Variants in HECW1 observed in about 807,000 individuals in gnomAD.
HECW1 encodes HECT, C2 and WW domain containing E3 ubiquitin protein ligase 1, also known as E3 ubiquitin-protein ligase HECW1.
Under a neutral mutation model 182.3 loss-of-function variants are expected in HECW1, and 61 were observed. The observed-to-expected ratio is 0.33, with a 90% CI of 0.27 to 0.41. The LOEUF (loss-of-function observed/expected upper bound fraction) is 0.41. Ranked by LOEUF, HECW1 falls within the 10% of genes least tolerant of loss-of-function variation. HECW1 has a pLI of 1.00. For missense variants in HECW1, 1,739 were observed against 2,108.9 expected (o/e 0.82, Z 3.44); for synonymous variants, 859 against 832.6 (o/e 1.03, Z -0.55).
intron 6 of HECW1, among the ~76,000 whole-genome samples, chr7:43,361,348 A>G (rs1439536394): frequency 1.3e-5 from 2 of 152,080 alleles, no homozygotes; most frequent in Non-Finnish European, 2.9e-5. Context: ...AAATATTTAT[A>G]TTTTCTTATG....
intron 20 of HECW1, 79 bp downstream of exon 20, chr7:43,500,861 C>A: frequency 2.5e-6 from 3 of 1,209,542 alleles, no homozygotes; most frequent in Non-Finnish European, 3.7e-6. Context: ...CTGAAAATGG[C>A]CTAGACTGAA....
In HECW1 at chr7:43,384,531, A is replaced by G. The variant is rs530145114; in HGVS notation, c.556-12283A>G. The stretch of plus-strand genomic sequence containing the variant: ...GAAAAAAGATGTTACATTAGCAAGA[A>G]AAAAATACGTCTTTGCCTAAAACTT... On this transcript the variant is annotated intron_variant, in intron 6 of 29. Coordinates refer to ENST00000395891, the MANE Select transcript of HECW1 (RefSeq NM_015052.5). Among the ~76,000 whole-genome samples the G allele has an allele frequency of 2.0e-5, 3 of 152,322 alleles. No individual in the cohort carries two copies. The South Asian group carries it at 6.2e-4, about 32-fold the overall frequency.
chr7:43,389,011 G>A (rs1191024503), intron 6 of HECW1, among the ~76,000 whole-genome samples: 1 of 152,198 alleles, frequency 6.6e-6, no homozygotes, highest in African/African-American at 2.4e-5. Flanking sequence ...TGCCAGTGAT[G>A]GGGATGCAAA....
intron 3 of HECW1, among the ~76,000 whole-genome samples, chr7:43,307,709 C>T (rs757434521): frequency 2.1e-4 from 32 of 151,780 alleles, no homozygotes; most frequent in Non-Finnish European, 3.7e-4. Flanking sequence ...TAGCCACAAA[C>T]GAATTGCATG....
chr7:43,479,759 A>C lies in HECW1; in HGVS notation c.3234+15A>C, dbSNP rs532165919. On this transcript the variant is annotated intron_variant, in intron 17 of 29. Transcript: ENST00000395891. ...GCGCTGGAGAGGTAACCCTCCCTAC[A>C]CCCCGCCCTACTGTTCACCGGTCAC... 18 of 1,612,686 alleles carry C rather than the reference A, an allele frequency of 1.1e-5. No homozygotes were observed. The highest frequency in any genetic ancestry group is 1.4e-5 in the Non-Finnish European group (17 of 1,179,434).
At chr7:43,270,844 T>G (rs1299438232) in intron 3 of HECW1, among the ~76,000 whole-genome samples, 5 of 152,116 alleles carry the variant, frequency 3.3e-5, no homozygotes, top group Non-Finnish European at 7.4e-5. Flanking sequence ...GATATCAAAT[T>G]GGAAAATATG....
rs756992017 is a variant in HECW1 at position 43,469,039 on chromosome 7, C to T, written c.3033C>T (p.Asn1011=). 6.2e-7 allele frequency: 1 copy of T among 1,614,210 alleles called. No homozygotes were observed. Among genetic ancestry groups the T allele is most frequent in the African/African-American group, 1.3e-5 (1 of 75,052 alleles). ...QHNRDLVNFI[N]MFADTRLELP... ...ACCGGGACTTGGTGAATTTCATCAA[C>T]ATGTTCGCAGACACTCGGCTGGAAC... The change falls in exon 16 of 30, where the codon AAC becomes AAT. Residue 1011 remains asparagine, a synonymous_variant. Transcript: ENST00000395891.
chr7:43,522,099 T>G (rs2080506701), intron 24 of HECW1, among the ~76,000 whole-genome samples: 1 of 152,204 alleles, frequency 6.6e-6, no homozygotes, highest in Non-Finnish European at 1.5e-5. Flanking sequence ...CACCTTGATC[T>G]TGGATTTCTC....
rs1218464218 is a variant in HECW1 at position 43,114,240 on chromosome 7, T to C, written c.-183T>C. The C allele has an allele frequency of 7.3e-7, 1 of 1,362,474 alleles. No homozygotes were observed. The highest frequency in any genetic ancestry group is 3.5e-5 in the East Asian group (1 of 28,758). The allele number at this position is 1,362,474 out of a possible 1,614,324, so 84.4% of individuals were successfully genotyped here. On this transcript the variant is annotated 5_prime_UTR_variant, in exon 2 of 30. Transcript: ENST00000395891. ...GAGGGAGGCATCTTCTCTCTTTTCC[T>C]GGGATTTAAACGCGATTTAGGAGGG...
chr7:43,265,359 G>C (rs1020165006), intron 3 of HECW1, among the ~76,000 whole-genome samples: 1 of 152,116 alleles, frequency 6.6e-6, no homozygotes, highest in African/African-American at 2.4e-5. Flanking sequence ...TAACCACAGC[G>C]GGCCAGGAAG....
chr7:43,310,442 A>C (rs1808358982), intron 3 of HECW1, among the ~76,000 whole-genome samples: 1 of 152,204 alleles, frequency 6.6e-6, no homozygotes, highest in Admixed American at 6.5e-5. Flanking sequence ...TAAGGTGATG[A>C]GATGCTTTTT....
intron 3 of HECW1, among the ~76,000 whole-genome samples, chr7:43,271,627 G>A (rs777879475): frequency 6.6e-6 from 1 of 152,022 alleles, no homozygotes; most frequent in Non-Finnish European, 1.5e-5. Context: ...AGATATCTAG[G>A]AATACATCTA....
intron 2 of HECW1, among the ~76,000 whole-genome samples, chr7:43,223,981 C>G (rs1797205769): frequency 6.6e-6 from 1 of 152,210 alleles, no homozygotes; most frequent in Non-Finnish European, 1.5e-5. Flanking sequence ...CCTCCCATCC[C>G]CTCTTCCCGC....
rs79714205 is a variant in HECW1 at position 43,504,160 on chromosome 7, G to A, written c.3631+2838G>A. ...CTCTCCTTCCCAAGCAGGTCCTTCC[G>A]TCCTCCTGGATGACTTCAACATCGA... On this transcript the variant is annotated intron_variant, in intron 21 of 29. Transcript: ENST00000395891. 6.6e-3 allele frequency among the ~76,000 whole-genome samples: 1,009 copies of A among 152,176 alleles called. 12 individuals are homozygous for A. The highest frequency in any genetic ancestry group is 0.034 in the Middle Eastern group (10 of 294).
At chr7:43,151,025 C>G (rs971904000) in intron 2 of HECW1, 6 of 154,942 alleles carry the variant, frequency 3.9e-5, no homozygotes, top group Non-Finnish European at 8.8e-5. Context: ...GCTTGCACAG[C>G]AAATACAAGA....
intron 2 of HECW1, among the ~76,000 whole-genome samples, chr7:43,142,012 C>T (rs548802062): frequency 3.0e-4 from 46 of 152,174 alleles, no homozygotes; most frequent in Non-Finnish European, 5.7e-4. Flanking sequence ...AACCTGCACA[C>T]GCTGTGCTTG....
intron 2 of HECW1, among the ~76,000 whole-genome samples, chr7:43,156,954 A>C (rs1042465116): frequency 2.6e-5 from 4 of 152,198 alleles, no homozygotes; most frequent in Admixed American, 1.3e-4. Flanking sequence ...GAGAAAAGAA[A>C]GTTTTATCAG....
intron 17 of HECW1, among the ~76,000 whole-genome samples, chr7:43,483,085 A>G (rs4433042): frequency 0.36 from 55,081 of 151,972 alleles, 11,097 homozygotes; most frequent in South Asian, 0.56. Context: ...GAGCCAAGCA[A>G]CAGGTTCCCG....
At chr7:43,179,019 A>G (rs543288299) in intron 2 of HECW1, among the ~76,000 whole-genome samples, 1 of 152,352 alleles carries the variant, frequency 6.6e-6, no homozygotes, top group Admixed American at 6.5e-5. Flanking sequence ...GGAGAATATC[A>G]ACTACTTTCT....
Sources: gnomAD v4.1 joint callset for allele counts (sites outside exome capture counted in the v4.1 genomes callset) on GRCh38, gnomAD v4.1.1 for gene constraint, MANE v1.5 for transcripts, NCBI Gene and HGNC (gene_info 2026-07-23, HGNC 2026-07-21) for gene names.